Variants in ITFG1 observed in about 807,000 individuals in gnomAD.
The protein encoded by ITFG1 is T-cell immunomodulatory protein.
Under a neutral mutation model 81.8 loss-of-function variants are expected in ITFG1, and 34 were observed. The ratio of observed to expected loss-of-function variants is 0.42; its 90% CI spans 0.32 to 0.55. ITFG1 has a LOEUF of 0.55. ITFG1 is among the 20% of genes least tolerant of loss of function. The probability of loss-of-function intolerance (pLI) is 0.17; values close to 1 mark genes in which losing one functional copy is unlikely to be tolerated. For synonymous variants in ITFG1, 285 were observed against 270.6 expected (o/e 1.05, Z -0.52); for missense variants, 672 against 755.4 (o/e 0.89, Z 1.29).
intron 14 of ITFG1, among the ~76,000 whole-genome samples, chr16:47,164,816 G>A (rs912854759): frequency 2.0e-5 from 3 of 152,258 alleles, no homozygotes; most frequent in East Asian, 3.8e-4. Context: ...GCAGCTCCAA[G>A]GAGGTCAGTC....
intron 13 of ITFG1, among the ~76,000 whole-genome samples, chr16:47,223,446 C>CA (rs1463482597): frequency 1.3e-5 from 2 of 152,110 alleles, no homozygotes; most frequent in Non-Finnish European, 2.9e-5. Context: ...TTTATGCAGC[C>CA]AAAAAACACA....
At chr16:47,357,299 C>T (rs758527996) in intron 8 of ITFG1, among the ~76,000 whole-genome samples, 40 of 152,146 alleles carry the variant, frequency 2.6e-4, no homozygotes, top group Non-Finnish European at 4.6e-4. Context: ...AGTATACATT[C>T]ATAATACCAT....
At chr16:47,293,774 C>T (rs1966945202) in intron 10 of ITFG1, among the ~76,000 whole-genome samples, 1 of 151,928 alleles carries the variant, frequency 6.6e-6, no homozygotes, top group African/African-American at 2.4e-5. Context: ...AATCATTAAT[C>T]AGATCTGTAG....
At chr16:47,172,926 T>C (rs1964978983) in intron 14 of ITFG1, among the ~76,000 whole-genome samples, 1 of 152,188 alleles carries the variant, frequency 6.6e-6, no homozygotes, top group Non-Finnish European at 1.5e-5. Flanking sequence ...CCACTTCCCA[T>C]TTAACTGTGT....
chr16:47,351,774 A>G (rs1967959814), intron 8 of ITFG1, among the ~76,000 whole-genome samples: 1 of 152,234 alleles, frequency 6.6e-6, no homozygotes, highest in African/African-American at 2.4e-5. Flanking sequence ...AGCCAAAAGA[A>G]GAAAGGTGGA....
chr16:47,298,508 A>G (rs1463252810), intron 10 of ITFG1, among the ~76,000 whole-genome samples: 1 of 151,224 alleles, frequency 6.6e-6, no homozygotes, highest in Non-Finnish European at 1.5e-5. Flanking sequence ...TGTGACTATG[A>G]TGTTATGTAG....
intron 6 of ITFG1, among the ~76,000 whole-genome samples, chr16:47,397,283 A>C (rs1039764510): frequency 1.3e-5 from 2 of 152,168 alleles, no homozygotes; most frequent in South Asian, 4.1e-4. Flanking sequence ...GTGTTCCAGA[A>C]GACAGAGTGG....
intron 6 of ITFG1, chr16:47,396,189 A>G (rs1968590779): frequency 5.1e-6 from 5 of 984,936 alleles, no homozygotes; most frequent in Non-Finnish European, 6.0e-6. Flanking sequence ...AAGAAAAGTT[A>G]ATCGGCTGCA....
intron 14 of ITFG1, among the ~76,000 whole-genome samples, chr16:47,195,040 T>C (rs1323185505): frequency 6.6e-6 from 1 of 152,224 alleles, no homozygotes. Context: ...TTGTCCATTC[T>C]CTAAGACTCT....
intron 10 of ITFG1, among the ~76,000 whole-genome samples, chr16:47,307,755 A>T (rs1396359690): frequency 6.6e-6 from 1 of 152,140 alleles, no homozygotes; most frequent in Non-Finnish European, 1.5e-5. Flanking sequence ...GGTACTGAGC[A>T]CAGTACCCCA....
intron 10 of ITFG1, among the ~76,000 whole-genome samples, chr16:47,276,143 A>G (rs1966395957): frequency 6.6e-6 from 1 of 152,154 alleles, no homozygotes; most frequent in East Asian, 1.9e-4. Context: ...ATAATTATCT[A>G]TATAGGAAAT....
In ITFG1 at chr16:47,263,717, T is replaced by C. The variant is rs187027901; in HGVS notation, c.1071-3022A>G. On this transcript the variant is annotated intron_variant, in intron 10 of 17. Coordinates refer to ENST00000320640, the MANE Select transcript of ITFG1 (RefSeq NM_030790.5). ...TTGGATGTTAAGGTACTCTACTCAC[T>C]ACTTTACCTGAATGAATGAATGAAT... 6.6e-5 allele frequency among the ~76,000 whole-genome samples: 10 copies of C among 152,334 alleles called. No individual in the cohort carries two copies. In the East Asian group the frequency reaches 1.7e-3, roughly 26 times the overall value.
At chr16:47,424,606 A>G (rs1189466978) in intron 6 of ITFG1, among the ~76,000 whole-genome samples, 3 of 151,992 alleles carry the variant, frequency 2.0e-5, no homozygotes, top group Non-Finnish European at 4.4e-5. Flanking sequence ...TGACCTACAG[A>G]TTGGGTTTTG....
intron 14 of ITFG1, among the ~76,000 whole-genome samples, chr16:47,200,854 G>A (rs917316539): frequency 2.6e-5 from 4 of 152,154 alleles, no homozygotes; most frequent in Non-Finnish European, 5.9e-5. Context: ...GTATGCTGAT[G>A]TCTGAGAATC....
intron 10 of ITFG1, among the ~76,000 whole-genome samples, chr16:47,264,580 A>ACACACC (rs1200915259): frequency 6.6e-6 from 1 of 151,790 alleles, no homozygotes; most frequent in Non-Finnish European, 1.5e-5. Context: ...ACACACACAC[A>ACACACC]CACACACACA....
Position 47,343,063 on chromosome 16 carries a change from T to C in ITFG1, c.802+22725A>G, listed in dbSNP as rs561856845. On this transcript the variant is annotated intron_variant, in intron 8 of 17. Coordinates refer to ENST00000320640, the MANE Select transcript of ITFG1 (RefSeq NM_030790.5). ...ACAATTCTGAAGTAGAAGAATACAG[T>C]TGGAAGACTCACACTTCTGAACTTT... 3.3e-5 allele frequency among the ~76,000 whole-genome samples: 5 copies of C among 152,208 alleles called. No homozygotes were observed. The South Asian group carries it at 1.0e-3, about 32-fold the overall frequency.
At chr16:47,224,856 G>A (rs1965738926) in intron 13 of ITFG1, among the ~76,000 whole-genome samples, 1 of 152,138 alleles carries the variant, frequency 6.6e-6, no homozygotes, top group Non-Finnish European at 1.5e-5. Context: ...AAAATTAGCT[G>A]TGCATGGTGG....
rs1966937156 is a variant in ITFG1 at position 47,293,368 on chromosome 16, T to C, written c.1070+17872A>G. Among the ~76,000 whole-genome samples, 3 of 152,022 alleles carry C rather than the reference T, an allele frequency of 2.0e-5. No homozygotes were observed. In the South Asian group the frequency reaches 6.2e-4, roughly 32 times the overall value. On this transcript the variant is annotated intron_variant, in intron 10 of 17. Coordinates refer to ENST00000320640, the MANE Select transcript of ITFG1 (RefSeq NM_030790.5). ...TGATTTATTTTCTATTGAGTAGATA[T>C]CCAGTAGTGGGATTGCTGCATCGAA...
chr16:47,417,350 T>A (rs1412016170), intron 6 of ITFG1, among the ~76,000 whole-genome samples: 1 of 152,220 alleles, frequency 6.6e-6, no homozygotes, highest in African/African-American at 2.4e-5. Flanking sequence ...ATGATCAAAC[T>A]AGGATATTTA....
Sources: gnomAD v4.1 joint callset for allele counts (sites outside exome capture counted in the v4.1 genomes callset) on GRCh38, gnomAD v4.1.1 for gene constraint, MANE v1.5 for transcripts, NCBI Gene and HGNC (gene_info 2026-07-23, HGNC 2026-07-21) for gene names.